PSD3: variants seen among roughly 807,000 people sequenced by gnomAD.
The protein encoded by PSD3 is PH and SEC7 domain-containing protein 3.
A neutral mutation model predicts 105.5 loss-of-function variants in PSD3; 49 were observed. That is an observed-to-expected ratio of 0.46 (90% CI 0.37 to 0.59). The LOEUF (loss-of-function observed/expected upper bound fraction) is 0.59, where lower values mean the gene tolerates loss of function less well. PSD3 is among the 20% of genes least tolerant of loss of function. The pLI, the probability that PSD3 is intolerant of heterozygous loss-of-function variation, is 0.00. For missense variants in PSD3, 1,561 were observed against 1,263.8 expected (o/e 1.24, Z -3.57); for synonymous variants, 557 against 457.8 (o/e 1.22, Z -2.77).
chr8:18,878,822 C>T (rs745345936), intron 2 of PSD3, among the ~76,000 whole-genome samples: 4 of 152,084 alleles, frequency 2.6e-5, no homozygotes, highest in South Asian at 2.1e-4. Flanking sequence ...ATGTTACTCA[C>T]GCCTTAAAGC....
chr8:18,939,698 T>C (rs1271806118), intron 1 of PSD3, among the ~76,000 whole-genome samples: 1 of 152,148 alleles, frequency 6.6e-6, no homozygotes, highest in Non-Finnish European at 1.5e-5. Context: ...ATCTACATTA[T>C]TGTATGCATT....
At chr8:19,032,914 T>C (rs1323151481) in intron 1 of PSD3, among the ~76,000 whole-genome samples, 1 of 152,090 alleles carries the variant, frequency 6.6e-6, no homozygotes, top group Non-Finnish European at 1.5e-5. Flanking sequence ...AAAAGTTTTA[T>C]TTGAGGAAAA....
chr8:18,602,814 C>A (rs1398222147), intron 11 of PSD3, among the ~76,000 whole-genome samples: 2 of 152,088 alleles, frequency 1.3e-5, no homozygotes, highest in African/African-American at 4.8e-5. Flanking sequence ...CCACTGGACC[C>A]TTGGTGAGGC....
intron 1 of PSD3, among the ~76,000 whole-genome samples, chr8:18,972,401 G>C (rs950434051): frequency 3.9e-5 from 6 of 152,356 alleles, no homozygotes; most frequent in African/African-American, 1.4e-4. Context: ...TGTGATCAAA[G>C]AGCAGCAGTT....
At chr8:18,634,496 G>A (rs1445239742) in intron 10 of PSD3, among the ~76,000 whole-genome samples, 10 of 151,778 alleles carry the variant, frequency 6.6e-5, no homozygotes. Flanking sequence ...ATTAAACTCG[G>A]CTTCATTTGG....
At chr8:19,066,785 C>T (rs1829088699) in intron 1 of PSD3, among the ~76,000 whole-genome samples, 1 of 152,198 alleles carries the variant, frequency 6.6e-6, no homozygotes, top group Admixed American at 6.5e-5. Context: ...CCCACCCACC[C>T]ATAATAAATG....
chr8:18,952,296 T>C (rs868295446), intron 1 of PSD3, among the ~76,000 whole-genome samples: 1 of 152,176 alleles, frequency 6.6e-6, no homozygotes, highest in African/African-American at 2.4e-5. Context: ...AATTGGAACA[T>C]AAAAATAATG....
intron 10 of PSD3, among the ~76,000 whole-genome samples, chr8:18,644,323 G>A (rs1028470209): frequency 7.9e-5 from 12 of 152,108 alleles, no homozygotes; most frequent in Non-Finnish European, 1.3e-4. Context: ...ACTGTATGTG[G>A]TTAAAAGTAG....
intron 12 of PSD3, among the ~76,000 whole-genome samples, chr8:18,581,421 C>G (rs1482888582): frequency 6.6e-6 from 1 of 152,114 alleles, no homozygotes; most frequent in East Asian, 1.9e-4. Context: ...TAGGAGTGTG[C>G]TCTTACTTAG....
intron 9 of PSD3, among the ~76,000 whole-genome samples, chr8:18,736,898 T>C (rs1804189306): frequency 6.6e-6 from 1 of 152,208 alleles, no homozygotes; most frequent in African/African-American, 2.4e-5. Flanking sequence ...GAGCATTCTT[T>C]CCAAATGAAT....
intron 3 of PSD3, 55 bp from the exon 4 acceptor site, chr8:18,868,124 T>C: frequency 6.6e-7 from 1 of 1,505,752 alleles, no homozygotes; most frequent in Non-Finnish European, 8.9e-7. Context: ...TCTTTATTTC[T>C]CCCACTTCAA....
chr8:19,080,681 A>G (rs1829616448), intron 1 of PSD3, among the ~76,000 whole-genome samples: 1 of 152,176 alleles, frequency 6.6e-6, no homozygotes. Context: ...CTTACAAGCT[A>G]GTGATCAAAG....
chr8:18,630,146 AG>A (rs1806788784), intron 11 of PSD3, among the ~76,000 whole-genome samples: 2 of 152,002 alleles, frequency 1.3e-5, no homozygotes, highest in East Asian at 3.9e-4. Context: ...AGAAACAAGC[AG>A]AGGCAGGTTC....
chr8:18,662,141 G>A (rs1337693564), intron 9 of PSD3, among the ~76,000 whole-genome samples: 1 of 152,048 alleles, frequency 6.6e-6, no homozygotes, highest in Non-Finnish European at 1.5e-5. Context: ...ACCATGAATA[G>A]ATGTCCCAGC....
intron 4 of PSD3, among the ~76,000 whole-genome samples, chr8:18,846,172 T>A (rs530443073): frequency 6.6e-6 from 1 of 152,308 alleles, no homozygotes; most frequent in East Asian, 1.9e-4. Context: ...ATTTAACGCA[T>A]GTGTTTGACC....
chr8:18,770,965 C>G (rs1056854409), intron 8 of PSD3, among the ~76,000 whole-genome samples: 1 of 152,152 alleles, frequency 6.6e-6, no homozygotes, highest in Admixed American at 6.6e-5. Context: ...GGAAGGGGAG[C>G]TGAAAAGGGG....
intron 12 of PSD3, among the ~76,000 whole-genome samples, chr8:18,592,150 G>C (rs2130502365): frequency 6.6e-6 from 1 of 152,162 alleles, no homozygotes; most frequent in Non-Finnish European, 1.5e-5. Context: ...GCTAAAAAAA[G>C]ATGAATAAAC....
chr8:18,951,356 C>G (rs1823224761), intron 1 of PSD3, among the ~76,000 whole-genome samples: 1 of 152,114 alleles, frequency 6.6e-6, no homozygotes, highest in Non-Finnish European at 1.5e-5. Flanking sequence ...GAGGTATGAT[C>G]ACACCACCGC....
chr8:19,065,444 C>G (rs539427228), intron 1 of PSD3, among the ~76,000 whole-genome samples: 4 of 152,214 alleles, frequency 2.6e-5, no homozygotes, highest in African/African-American at 9.6e-5. Context: ...AAGACTGCAC[C>G]CCCTGACCCT....
Sources: gnomAD v4.1 joint callset for allele counts (sites outside exome capture counted in the v4.1 genomes callset) on GRCh38, gnomAD v4.1.1 for gene constraint, MANE v1.5 for transcripts, NCBI Gene and HGNC (gene_info 2026-07-23, HGNC 2026-07-21) for gene names.